The following LAMA2 variants were observed in gnomAD, a reference collection of about 807,000 sequenced individuals.
The protein encoded by LAMA2 is laminin subunit alpha 2.
In LAMA2, 269 loss-of-function variants were observed where a neutral mutation model predicts 364.8. That is an observed-to-expected ratio of 0.74 (90% CI 0.67 to 0.82). The LOEUF (loss-of-function observed/expected upper bound fraction) is 0.82. LAMA2 is among the 40% of genes least tolerant of loss of function. The probability of loss-of-function intolerance (pLI) is 0.00; values close to 1 mark genes in which losing one functional copy is unlikely to be tolerated. For missense variants in LAMA2, 3,807 were observed against 3,873.2 expected, an observed-to-expected ratio of 0.98 and a Z score of 0.45; for synonymous variants, 1,379 against 1,370.6, an observed-to-expected ratio of 1.01 and a Z score of -0.14.
At chr6:129,225,530 T>G (rs1035867325) in intron 12 of LAMA2, among the ~76,000 whole-genome samples, 2 of 152,242 alleles carry the variant, frequency 1.3e-5, no homozygotes, top group Non-Finnish European at 2.9e-5. Flanking sequence ...TCTGGTATGT[T>G]GTATCTTTGT....
chr6:129,404,087 T>G lies in LAMA2; in HGVS notation c.5865+128T>G, dbSNP rs545384952. The G allele has an allele frequency of 6.9e-6, 7 of 1,008,100 alleles. No individual in the cohort carries two copies. The East Asian group carries it at 7.7e-5, about 11-fold the overall frequency. 62.4% of individuals were successfully genotyped at this position (1,008,100 alleles called of 1,614,324 possible). A position where few individuals can be genotyped will look rare whatever the true frequency, so the allele number is the denominator to read the frequency against. ...TTGGGTTATTTTTGAAGACCTCTTT[T>G]AAAATTTGCCTAAAATAAATTCTCG... is the stretch of plus-strand genomic sequence containing the variant. On this transcript the variant is annotated intron_variant, in intron 40 of 64. Transcript: ENST00000421865.
At position 129,453,122 on chromosome 6, in the gene LAMA2, T is replaced by C; in HGVS notation, c.6564T>C (p.Ser2188=). 6.2e-7 allele frequency: 1 copy of C among 1,612,658 alleles called. No homozygotes were observed. Among genetic ancestry groups the C allele is most frequent in the Non-Finnish European group, 8.5e-7 (1 of 1,179,252 alleles). Residue 2188 remains serine, a synonymous_variant, in exon 46 of 65, where the codon AGT becomes AGC. Transcript: ENST00000421865. ...ATAACCTCCTCTTTTATCTTGGAAG[T>C]GCCAAATTTGTAAGTCTAATATTCA... ...VADNLLFYLG[S]AKFIDFLAIE...
intron 4 of LAMA2, among the ~76,000 whole-genome samples, chr6:129,099,301 G>A (rs1306130531): frequency 1.3e-5 from 2 of 151,716 alleles, no homozygotes; most frequent in African/African-American, 2.4e-5. Flanking sequence ...ATGCTGAAAT[G>A]CACACTAAGT....
At chr6:129,494,237 C>A (rs1447076693) in intron 58 of LAMA2, among the ~76,000 whole-genome samples, 1 of 152,176 alleles carries the variant, frequency 6.6e-6, no homozygotes, top group Non-Finnish European at 1.5e-5. Flanking sequence ...TCTTGAATAT[C>A]TCATTCTCTT....
chr6:129,374,313 A>G (rs1337079681), intron 34 of LAMA2, among the ~76,000 whole-genome samples: 2 of 152,196 alleles, frequency 1.3e-5, no homozygotes, highest in Admixed American at 6.5e-5. Flanking sequence ...TGACCAGGGT[A>G]TGAGAAATGC....
Position 129,516,499 on chromosome 6 carries a change from G to C in LAMA2, c.*152G>C. 1.4e-6 allele frequency: 1 copy of C among 736,236 alleles called. No individual in the cohort carries two copies. The highest frequency in any genetic ancestry group is 1.6e-5 in the South Asian group (1 of 61,692). The allele number at this position is 736,236 out of a possible 1,614,324, so 45.6% of individuals were successfully genotyped here. ...TCAGATGGTGCTAATTCAGACTCCAGACTGAATTTTAATTCAAGTTCTTTC... is the reference window on the plus strand; with the variant it reads ...TCAGATGGTGCTAATTCAGACTCCACACTGAATTTTAATTCAAGTTCTTTC... On this transcript the variant is annotated 3_prime_UTR_variant, in exon 65 of 65. Transcript: ENST00000421865.
At chr6:129,250,423 G>A (rs1278577030) in intron 13 of LAMA2, among the ~76,000 whole-genome samples, 2 of 152,114 alleles carry the variant, frequency 1.3e-5, no homozygotes, top group African/African-American at 4.8e-5. Flanking sequence ...TGATAAAGGA[G>A]AACTTTAGAC....
At chr6:129,191,601 T>C (rs1264261849) in intron 11 of LAMA2, among the ~76,000 whole-genome samples, 3 of 152,210 alleles carry the variant, frequency 2.0e-5, no homozygotes, top group Non-Finnish European at 4.4e-5. Context: ...AAGGGTGACG[T>C]TAGAAAGGGA....
chr6:129,409,176 T>C (rs891689423), intron 40 of LAMA2, among the ~76,000 whole-genome samples: 1 of 152,204 alleles, frequency 6.6e-6, no homozygotes, highest in South Asian at 2.1e-4. Context: ...CCTTTGCTAC[T>C]GTCCTTCAGG....
In LAMA2 at chr6:129,294,098, G is replaced by T. The variant is rs80096348; in HGVS notation, c.2856+2378G>T. ...CAGCATAGCCTTCTGCTGCAATGGG[G>T]TTCTGACTCCCGGGAAAACACAGAA... On this transcript the variant is annotated intron_variant, in intron 20 of 64. Coordinates refer to ENST00000421865, the MANE Select transcript of LAMA2 (RefSeq NM_000426.4). Among the ~76,000 whole-genome samples, 493 of 152,276 alleles carry T rather than the reference G, an allele frequency of 3.2e-3. 1 individual carries two copies. The highest frequency in any genetic ancestry group is 0.011 in the African/African-American group (451 of 41,550).
intron 1 of LAMA2, among the ~76,000 whole-genome samples, chr6:129,010,167 T>A (rs956700155): frequency 2.0e-5 from 3 of 152,346 alleles, no homozygotes; most frequent in African/African-American, 7.2e-5. Context: ...GAGTCAAAGA[T>A]GTTAATTCTA....
intron 12 of LAMA2, among the ~76,000 whole-genome samples, chr6:129,219,787 T>A (rs1436568138): frequency 1.9e-5 from 2 of 106,486 alleles, no homozygotes; most frequent in Non-Finnish European, 3.4e-5. Context: ...TGAGAACACA[T>A]GGACACAGGA....
At chr6:129,420,323 A>C (rs1315370319) in intron 40 of LAMA2, among the ~76,000 whole-genome samples, 1 of 152,130 alleles carries the variant, frequency 6.6e-6, no homozygotes, top group Non-Finnish European at 1.5e-5. Context: ...TTCATAGTCT[A>C]ACATACCAAA....
chr6:128,926,010 C>T (rs1264013638), intron 1 of LAMA2, among the ~76,000 whole-genome samples: 1 of 152,134 alleles, frequency 6.6e-6, no homozygotes, highest in East Asian at 1.9e-4. Context: ...GGTCCTTTAC[C>T]AATGAGCCAT....
intron 20 of LAMA2, among the ~76,000 whole-genome samples, chr6:129,297,183 T>G (rs1254172679): frequency 6.6e-6 from 1 of 152,196 alleles, no homozygotes; most frequent in Non-Finnish European, 1.5e-5. Context: ...TGATTAAAAG[T>G]ATTTATGGAT....
At chr6:129,130,530 C>G (rs958485413) in intron 4 of LAMA2, among the ~76,000 whole-genome samples, 3 of 152,198 alleles carry the variant, frequency 2.0e-5, no homozygotes, top group African/African-American at 7.2e-5. Context: ...CTGGGAGATA[C>G]TGAAGATGGC....
chr6:129,165,669 C>A lies in LAMA2; in HGVS notation c.1300C>A (p.Arg434=). The change falls in exon 9 of 65, where the codon CGA becomes AGA. Residue 434 remains arginine (R), a synonymous_variant. Coordinates refer to ENST00000421865, the MANE Select transcript of LAMA2 (RefSeq NM_000426.4). The stretch of plus-strand genomic sequence containing the variant: ...CTGTGTCAAGGATGAGAAACATGCT[C>A]GACGAGGTGAGAGCTGCAGCAGAAT... The part of the protein sequence containing the change: ...EVCVKDEKHA[R]RGLAPGSCHC... 4 of 1,598,942 alleles carry A rather than the reference C, an allele frequency of 2.5e-6. No homozygotes were observed. Among genetic ancestry groups the A allele is most frequent in the Non-Finnish European group, 3.4e-6 (4 of 1,166,796 alleles).
At chr6:129,313,148 C>T (rs1181068106) in intron 23 of LAMA2, 51 bp downstream of exon 23, 2 of 1,151,830 alleles carry the variant, frequency 1.7e-6, no homozygotes, top group South Asian at 2.8e-5. Context: ...ATTCTGTTTC[C>T]ATTGCTCAGT....
chr6:129,430,182 A>G (rs1781519512), intron 41 of LAMA2, among the ~76,000 whole-genome samples: 1 of 152,198 alleles, frequency 6.6e-6, no homozygotes, highest in Non-Finnish European at 1.5e-5. Context: ...TACTACCAGG[A>G]ACTGCTGAAA....
Sources: gnomAD v4.1 joint callset for allele counts (sites outside exome capture counted in the v4.1 genomes callset) on GRCh38, gnomAD v4.1.1 for gene constraint, MANE v1.5 for transcripts, NCBI Gene and HGNC (gene_info 2026-07-23, HGNC 2026-07-21) for gene names.